Variants in EYA2 observed in about 807,000 individuals in gnomAD.
EYA2 encodes EYA transcriptional coactivator and phosphatase 2.
In EYA2, 31 loss-of-function variants were observed where a neutral mutation model predicts 69.2. The observed-to-expected ratio is 0.45, with a 90% CI of 0.34 to 0.60. EYA2 has a LOEUF of 0.60. Among genes scored for constraint, EYA2 ranks in the 20% least tolerant of loss-of-function variants. The probability of loss-of-function intolerance (pLI) is 0.02; values close to 1 mark genes in which losing one functional copy is unlikely to be tolerated. For missense variants in EYA2, 622 were observed against 701.2 expected (o/e 0.89, Z 1.28); for synonymous variants, 257 against 279.4 (o/e 0.92, Z 0.80).
chr20:46,906,348 A>C (rs895287115), intron 1 of EYA2, among the ~76,000 whole-genome samples: 7 of 152,224 alleles, frequency 4.6e-5, no homozygotes, highest in Admixed American at 4.6e-4. Context: ...GCGTACGACA[A>C]ATTCCACCCA....
chr20:47,172,117 T>TA (rs1241548761), intron 11 of EYA2, among the ~76,000 whole-genome samples: 1 of 136,566 alleles, frequency 7.3e-6, no homozygotes, highest in South Asian at 2.3e-4. Context: ...TAAAAAAAAA[T>TA]AAAAAAAATA....
At chr20:46,924,266 T>TA (rs1354517014) in intron 1 of EYA2, among the ~76,000 whole-genome samples, 1 of 152,206 alleles carries the variant, frequency 6.6e-6, no homozygotes, top group Non-Finnish European at 1.5e-5. Context: ...TGGGAAGGAC[T>TA]AAAGTTTCAG....
At chr20:47,133,235 C>G (rs3827053) in intron 9 of EYA2, among the ~76,000 whole-genome samples, 3,301 of 152,174 alleles carry the variant, frequency 0.022, 109 homozygotes, top group East Asian at 0.088. Context: ...GAGCCTAGAT[C>G]TACCAGCTCA....
chr20:46,927,120 G>A (rs546604196), intron 1 of EYA2, among the ~76,000 whole-genome samples: 4 of 152,298 alleles, frequency 2.6e-5, no homozygotes, highest in African/African-American at 9.6e-5. Context: ...TGCTGGGCGT[G>A]TCTGCCCTAA....
At chr20:46,991,893 G>C (rs1281144913) in intron 2 of EYA2, among the ~76,000 whole-genome samples, 1 of 151,196 alleles carries the variant, frequency 6.6e-6, no homozygotes, top group Admixed American at 6.6e-5. Context: ...GCTTGAACCT[G>C]AGAGGTGGAG....
chr20:47,063,386 C>T (rs868353359), intron 5 of EYA2, among the ~76,000 whole-genome samples: 47 of 93,602 alleles, frequency 5.0e-4, no homozygotes, highest in Non-Finnish European at 7.6e-4. Flanking sequence ...TGTGTGTGTG[C>T]GTGTGCGTGT....
At chr20:46,992,648 CT>C (rs541369885) in intron 2 of EYA2, among the ~76,000 whole-genome samples, 453 of 152,316 alleles carry the variant, frequency 3.0e-3, no homozygotes, top group Middle Eastern at 6.8e-3. Context: ...AGACACACTC[CT>C]TTTTGTGACT....
At chr20:47,147,777 G>A (rs538056897) in intron 10 of EYA2, among the ~76,000 whole-genome samples, 170 of 152,274 alleles carry the variant, frequency 1.1e-3, no homozygotes, top group Middle Eastern at 3.4e-3. Context: ...GTCCAGGATT[G>A]GCCTGGTGCG....
At chr20:47,021,221 C>G (rs1418799167) in intron 5 of EYA2, among the ~76,000 whole-genome samples, 1 of 152,298 alleles carries the variant, frequency 6.6e-6, no homozygotes, top group Non-Finnish European at 1.5e-5. Flanking sequence ...TTCCTGAACT[C>G]TCAATTTTAG....
At chr20:46,962,887 C>T (rs1300540904) in intron 1 of EYA2, among the ~76,000 whole-genome samples, 1 of 152,240 alleles carries the variant, frequency 6.6e-6, no homozygotes, top group Non-Finnish European at 1.5e-5. Context: ...CTCTCACCAC[C>T]AGAGAGCCTG....
At chr20:46,918,528 A>G (rs1985033433) in intron 1 of EYA2, among the ~76,000 whole-genome samples, 1 of 152,090 alleles carries the variant, frequency 6.6e-6, no homozygotes, top group Non-Finnish European at 1.5e-5. Flanking sequence ...AGTGGTCTCG[A>G]ACTCCCGCAC....
chr20:47,006,926 A>C (rs549077774), intron 4 of EYA2, among the ~76,000 whole-genome samples: 1 of 152,236 alleles, frequency 6.6e-6, no homozygotes, highest in East Asian at 1.9e-4. Context: ...TAGAAAAAAA[A>C]GTTTTTTTAA....
intron 1 of EYA2, among the ~76,000 whole-genome samples, chr20:46,920,424 T>A (rs1196205583): frequency 2.0e-5 from 3 of 152,260 alleles, no homozygotes; most frequent in Admixed American, 6.5e-5. Context: ...TGACACGTTA[T>A]CTTTTTATGA....
At chr20:47,084,615 G>T (rs2146496333) in intron 7 of EYA2, among the ~76,000 whole-genome samples, 1 of 152,202 alleles carries the variant, frequency 6.6e-6, no homozygotes, top group South Asian at 2.1e-4. Context: ...GAAGATATAG[G>T]GATGGCCAAA....
intron 10 of EYA2, among the ~76,000 whole-genome samples, chr20:47,148,867 T>C (rs2033762063): frequency 6.6e-6 from 1 of 152,168 alleles, no homozygotes; most frequent in South Asian, 2.1e-4. Flanking sequence ...TTCACAGGGA[T>C]GTGCCACTGT....
intron 9 of EYA2, among the ~76,000 whole-genome samples, chr20:47,115,931 C>G (rs1372715897): frequency 6.6e-6 from 1 of 152,206 alleles, no homozygotes. Context: ...ACATGCACTT[C>G]CCACCACAGG....
chr20:46,942,828 C>T (rs1169931014), intron 1 of EYA2, among the ~76,000 whole-genome samples: 6 of 152,224 alleles, frequency 3.9e-5, no homozygotes, highest in Admixed American at 1.3e-4. Flanking sequence ...TGCAATGGCA[C>T]GATCTCGGCT....
intron 1 of EYA2, among the ~76,000 whole-genome samples, chr20:46,897,138 G>A (rs1006004363): frequency 4.6e-5 from 7 of 152,076 alleles, no homozygotes; most frequent in Non-Finnish European, 8.8e-5. Flanking sequence ...TGGCAAAAAC[G>A]CCCAAGACAC....
intron 10 of EYA2, among the ~76,000 whole-genome samples, chr20:47,147,414 T>C: frequency 6.6e-6 from 1 of 152,122 alleles, no homozygotes; most frequent in East Asian, 1.9e-4. Context: ...TGCCGATATC[T>C]GGGTGAAGAG....
Sources: gnomAD v4.1 joint callset for allele counts (sites outside exome capture counted in the v4.1 genomes callset) on GRCh38, gnomAD v4.1.1 for gene constraint, MANE v1.5 for transcripts, NCBI Gene and HGNC (gene_info 2026-07-23, HGNC 2026-07-21) for gene names.